The following HS2ST1 variants were observed in gnomAD, a reference collection of about 807,000 sequenced individuals.
The protein encoded by HS2ST1 is 2-O-sulfotransferase.
In HS2ST1, 18 loss-of-function variants were observed where a neutral mutation model predicts 42.9. The observed-to-expected ratio is 0.42, with a 90% CI of 0.29 to 0.62. The LOEUF is 0.62. Ranked by LOEUF, HS2ST1 falls within the 20% of genes least tolerant of loss-of-function variation. The pLI is 0.21. For missense variants in HS2ST1, 334 were observed against 433.8 expected, an observed-to-expected ratio of 0.77 and a Z score of 2.04; for synonymous variants, 146 against 152.9, an observed-to-expected ratio of 0.95 and a Z score of 0.33.
intron 1 of HS2ST1, among the ~76,000 whole-genome samples, chr1:86,919,294 G>A (rs1660241306): frequency 1.3e-5 from 2 of 152,098 alleles, no homozygotes; most frequent in African/African-American, 4.8e-5. Context: ...ACTTTATGGT[G>A]TGTTTTGCTC....
chr1:87,034,534 G>A (rs903367982), intron 1 of HS2ST1, among the ~76,000 whole-genome samples: 12 of 152,154 alleles, frequency 7.9e-5, no homozygotes, highest in African/African-American at 1.4e-4. Flanking sequence ...ACCATTCAAC[G>A]AACTACTTTT....
chr1:87,041,648 T>G (rs987036006), intron 1 of HS2ST1, among the ~76,000 whole-genome samples: 5 of 152,156 alleles, frequency 3.3e-5, no homozygotes, highest in African/African-American at 1.2e-4. Context: ...TCTATGAGTT[T>G]GACTACTTTA....
At chr1:86,965,820 C>A (rs905695909) in intron 1 of HS2ST1, among the ~76,000 whole-genome samples, 1 of 152,096 alleles carries the variant, frequency 6.6e-6, no homozygotes, top group African/African-American at 2.4e-5. Flanking sequence ...AGGAGTATTT[C>A]TACCCTCTCA....
chr1:87,035,680 A>G (rs1263316863), intron 1 of HS2ST1, among the ~76,000 whole-genome samples: 1 of 152,166 alleles, frequency 6.6e-6, no homozygotes, highest in Non-Finnish European at 1.5e-5. Flanking sequence ...GTTTGGTATT[A>G]TTTTTATTTT....
intron 2 of HS2ST1, among the ~76,000 whole-genome samples, chr1:87,080,918 G>T (rs1651669897): frequency 6.6e-6 from 1 of 152,098 alleles, no homozygotes; most frequent in Non-Finnish European, 1.5e-5. Flanking sequence ...CTCAGCAGTT[G>T]GTATTTCAGT....
Position 87,097,788 on chromosome 1 carries a change from G to A in HS2ST1, c.589-50G>A, listed in dbSNP as rs750975568. The A allele has an allele frequency of 5.0e-6, 8 of 1,606,200 alleles. No individual in the cohort carries two copies. The African/African-American group carries it at 8.0e-5, about 16-fold the overall frequency. Reference sequence around the variant, plus strand: ...AATTTACCACATTAGATATTTGATAGGTGAGACTTGGATTTATGGCTTACC... The same window carrying A: ...AATTTACCACATTAGATATTTGATAAGTGAGACTTGGATTTATGGCTTACC... On this transcript the variant is annotated intron_variant, in intron 4 of 6. Coordinates refer to ENST00000370550, the MANE Select transcript of HS2ST1 (RefSeq NM_012262.4).
At chr1:87,102,151 C>G (rs1418737797) in intron 5 of HS2ST1, among the ~76,000 whole-genome samples, 1 of 151,278 alleles carries the variant, frequency 6.6e-6, no homozygotes, top group African/African-American at 2.4e-5. Flanking sequence ...CTCCACCTCC[C>G]AGGTTCAAGC....
chr1:86,923,351 T>A (rs1487895955), intron 1 of HS2ST1, among the ~76,000 whole-genome samples: 1 of 151,298 alleles, frequency 6.6e-6, no homozygotes, highest in Non-Finnish European at 1.5e-5. Flanking sequence ...GCAAGTCACA[T>A]CTTATGGTGG....
intron 1 of HS2ST1, among the ~76,000 whole-genome samples, chr1:87,029,287 TC>T (rs2100594141): frequency 6.6e-6 from 1 of 152,352 alleles, no homozygotes; most frequent in African/African-American, 2.4e-5. Flanking sequence ...TTTAATAGTG[TC>T]ATGTGAATTA....
chr1:86,915,074 A>G lies in HS2ST1; in HGVS notation c.38A>G (p.Gln13Arg), dbSNP rs1380467238. The change falls in exon 1 of 7, where the codon CAG (glutamine) becomes CGG (arginine). Residue 13 changes from glutamine (Q) to arginine (R), a missense_variant. By Grantham distance (43) the Gln-to-Arg change is conservative. Transcript: ENST00000370550. ...LLRIMMPPKL[Q>R]LLAVVAFAVA... Reference sequence around the variant, plus strand: ...AGGATTATGATGCCGCCCAAGTTGCAGCTGCTGGCGGTGGTGGCCTTCGCG... The same window carrying G: ...AGGATTATGATGCCGCCCAAGTTGCGGCTGCTGGCGGTGGTGGCCTTCGCG... The G allele has an allele frequency of 6.2e-7, 1 of 1,614,060 alleles. No individual in the cohort carries two copies. The highest frequency in any genetic ancestry group is 1.7e-5 in the Admixed American group (1 of 60,022).
At chr1:87,028,819 A>G (rs1650157804) in intron 1 of HS2ST1, among the ~76,000 whole-genome samples, 1 of 152,154 alleles carries the variant, frequency 6.6e-6, no homozygotes, top group African/African-American at 2.4e-5. Context: ...ATTTACTGCC[A>G]CTGTTCTGTT....
intron 1 of HS2ST1, among the ~76,000 whole-genome samples, chr1:86,944,296 G>A (rs2102178852): frequency 6.6e-6 from 1 of 152,242 alleles, no homozygotes; most frequent in African/African-American, 2.4e-5. Flanking sequence ...CTTAGAAAAT[G>A]TTAAATGCCA....
intron 1 of HS2ST1, among the ~76,000 whole-genome samples, chr1:86,944,415 C>T (rs145546258): frequency 3.7e-4 from 56 of 152,142 alleles, no homozygotes; most frequent in African/African-American, 1.3e-3. Context: ...AGTGCAGTGG[C>T]GTGATCTTGA....
intron 1 of HS2ST1, among the ~76,000 whole-genome samples, chr1:86,990,213 T>G (rs1297568840): frequency 6.6e-6 from 1 of 152,194 alleles, no homozygotes; most frequent in Non-Finnish European, 1.5e-5. Flanking sequence ...AGAACTTATT[T>G]TTAAATGCAG....
At chr1:86,923,521 C>T (rs1008984830) in intron 1 of HS2ST1, among the ~76,000 whole-genome samples, 6 of 151,900 alleles carry the variant, frequency 3.9e-5, no homozygotes, top group Non-Finnish European at 7.4e-5. Context: ...CTCAGCCTCC[C>T]GAGTAGCTGG....
chr1:86,940,294 A>G (rs1248995632), intron 1 of HS2ST1, among the ~76,000 whole-genome samples: 7 of 152,222 alleles, frequency 4.6e-5, no homozygotes, highest in Admixed American at 1.3e-4. Flanking sequence ...AGATAATTTG[A>G]GTCCAGGAGG....
At chr1:87,016,730 C>T (rs565026907) in intron 1 of HS2ST1, among the ~76,000 whole-genome samples, 2 of 152,174 alleles carry the variant, frequency 1.3e-5, no homozygotes, top group South Asian at 2.1e-4. Context: ...GTGCCTGTGT[C>T]CCATTCACCC....
At chr1:86,941,543 G>A (rs910248442) in intron 1 of HS2ST1, among the ~76,000 whole-genome samples, 13 of 152,026 alleles carry the variant, frequency 8.6e-5, no homozygotes, top group African/African-American at 2.4e-4. Flanking sequence ...AGGCTGAGGC[G>A]GGTGGATCAG....
At chr1:87,086,978 CA>C (rs67832309) in intron 3 of HS2ST1, among the ~76,000 whole-genome samples, 1,843 of 151,972 alleles carry the variant, frequency 0.012, 44 homozygotes, top group African/African-American at 0.043. Context: ...TGGACATTTT[CA>C]AAATGTCATA....
Sources: allele counts gnomAD v4.1 joint callset (sites outside exome capture counted in the v4.1 genomes callset), GRCh38; gene constraint gnomAD v4.1.1; transcripts MANE v1.5; gene names NCBI Gene and HGNC (gene_info 2026-07-23, HGNC 2026-07-21).